COMMD10: variants seen among roughly 807,000 people sequenced by gnomAD.
COMMD10 encodes COMM domain-containing protein 10.
Under a neutral mutation model 28.9 loss-of-function variants are expected in COMMD10, and 33 were observed. That is an observed-to-expected ratio of 1.14 (90% confidence interval 0.87 to 1.53). The LOEUF (loss-of-function observed/expected upper bound fraction) is 1.53, where lower values mean the gene tolerates loss of function less well. COMMD10 is among the 40% of genes most tolerant of loss of function. The pLI is 0.00. For synonymous variants in COMMD10, 110 were observed against 81.7 expected (o/e 1.35, Z -1.87); for missense variants, 310 against 233.4 (o/e 1.33, Z -2.14).
At chr5:116,168,813 G>T (rs1753220577) in intron 5 of COMMD10, among the ~76,000 whole-genome samples, 1 of 152,150 alleles carries the variant, frequency 6.6e-6, no homozygotes, top group Non-Finnish European at 1.5e-5. Context: ...CAGAATCTCT[G>T]GGACACAGCT....
chr5:116,114,590 G>A (rs540083033), intron 4 of COMMD10, among the ~76,000 whole-genome samples: 1 of 152,220 alleles, frequency 6.6e-6, no homozygotes, highest in Non-Finnish European at 1.5e-5. Flanking sequence ...GTCTCAGAGA[G>A]TAGGGCAAAG....
At chr5:116,169,928 G>A (rs1019275229) in intron 5 of COMMD10, among the ~76,000 whole-genome samples, 2 of 151,992 alleles carry the variant, frequency 1.3e-5, no homozygotes, top group Non-Finnish European at 2.9e-5. Flanking sequence ...AAAACCGGCA[G>A]AAGACAGCGA....
chr5:116,101,196 G>A (rs184489200), intron 4 of COMMD10, among the ~76,000 whole-genome samples: 8 of 152,208 alleles, frequency 5.3e-5, no homozygotes, highest in African/African-American at 1.9e-4. Context: ...TGAATACTGT[G>A]ATAAACAGGA....
At chr5:116,148,586 G>A (rs1446085233) in intron 5 of COMMD10, among the ~76,000 whole-genome samples, 1 of 151,778 alleles carries the variant, frequency 6.6e-6, no homozygotes, top group Non-Finnish European at 1.5e-5. Flanking sequence ...AATCAGCAAA[G>A]GCTGGTGGAA....
At chr5:116,155,073 A>G (rs1346205567) in intron 5 of COMMD10, among the ~76,000 whole-genome samples, 1 of 152,132 alleles carries the variant, frequency 6.6e-6, no homozygotes, top group African/African-American at 2.4e-5. Flanking sequence ...TCTTTAGCAC[A>G]CATGAGATCC....
intron 4 of COMMD10, among the ~76,000 whole-genome samples, chr5:116,111,256 C>G (rs1751033061): frequency 6.6e-6 from 1 of 150,972 alleles, no homozygotes; most frequent in Admixed American, 6.6e-5. Flanking sequence ...TTTTTTTGGT[C>G]TCTGTTTTAT....
chr5:116,276,154 T>A (rs1239948536), intron 5 of COMMD10, among the ~76,000 whole-genome samples: 1 of 150,822 alleles, frequency 6.6e-6, no homozygotes, highest in African/African-American at 2.5e-5. Flanking sequence ...TTCAGAAGAG[T>A]CTTAAAGTAT....
chr5:116,190,240 T>TAC (rs1748316325), intron 5 of COMMD10, among the ~76,000 whole-genome samples: 1 of 149,430 alleles, frequency 6.7e-6, no homozygotes, highest in Non-Finnish European at 1.5e-5. Context: ...TTTTGAGGCC[T>TAC]ATATATATAT....
At chr5:116,203,209 G>A (rs989213453) in intron 5 of COMMD10, among the ~76,000 whole-genome samples, 33 of 152,042 alleles carry the variant, frequency 2.2e-4, no homozygotes, top group East Asian at 7.7e-4. Flanking sequence ...AAAAAGAAAC[G>A]CAGAAAACCT....
intron 5 of COMMD10, among the ~76,000 whole-genome samples, chr5:116,245,210 A>T (rs764113450): frequency 6.6e-6 from 1 of 152,140 alleles, no homozygotes; most frequent in Non-Finnish European, 1.5e-5. Flanking sequence ...GGAGGATATT[A>T]TGAATACTTC....
chr5:116,239,767 G>A (rs944058187), intron 5 of COMMD10, among the ~76,000 whole-genome samples: 2 of 152,142 alleles, frequency 1.3e-5, no homozygotes, highest in East Asian at 1.9e-4. Context: ...CTACCAATAA[G>A]AGCAGGGTGC....
intron 5 of COMMD10, among the ~76,000 whole-genome samples, chr5:116,152,427 C>G (rs1752559380): frequency 6.6e-6 from 1 of 151,918 alleles, no homozygotes. Context: ...TGGCAGTGTG[C>G]CAACTGTAAA....
At chr5:116,277,175 A>G (rs905756224) in intron 5 of COMMD10, among the ~76,000 whole-genome samples, 3 of 151,906 alleles carry the variant, frequency 2.0e-5, no homozygotes, top group Non-Finnish European at 4.4e-5. Flanking sequence ...CTGTTGCTGC[A>G]TTGAATTCAC....
At chr5:116,184,781 A>T (rs1748085600) in intron 5 of COMMD10, among the ~76,000 whole-genome samples, 1 of 152,086 alleles carries the variant, frequency 6.6e-6, no homozygotes, top group African/African-American at 2.4e-5. Flanking sequence ...ATGGGCTTTT[A>T]GCCAGAAGAT....
At chr5:116,275,022 C>A (rs912720832) in intron 5 of COMMD10, among the ~76,000 whole-genome samples, 1 of 151,754 alleles carries the variant, frequency 6.6e-6, no homozygotes, top group African/African-American at 2.4e-5. Context: ...TTAAACTGAA[C>A]TTGAAATTCC....
chr5:116,241,852 C>T (rs969477358), intron 5 of COMMD10, among the ~76,000 whole-genome samples: 6 of 152,072 alleles, frequency 3.9e-5, no homozygotes, highest in Non-Finnish European at 5.9e-5. Flanking sequence ...CTCCTGACCT[C>T]GTGATCCACC....
At chr5:116,255,106 G>A (rs1323596983) in intron 5 of COMMD10, among the ~76,000 whole-genome samples, 14 of 151,638 alleles carry the variant, frequency 9.2e-5, no homozygotes, top group Admixed American at 9.2e-4. Context: ...TTTTATCCAA[G>A]ACTAGGATTG....
rs532606651 is a variant in COMMD10 at position 116,124,666 on chromosome 5, G to A, written c.400-9402G>A. Reference sequence around the variant, plus strand: ...ATTGATCTGTCTAATTTTAACAGTGGGGTGTTAAAGTCTCCCATTGTTATT... The same window carrying A: ...ATTGATCTGTCTAATTTTAACAGTGAGGTGTTAAAGTCTCCCATTGTTATT... On this transcript the variant is annotated intron_variant, in intron 4 of 6. Coordinates refer to ENST00000274458, the MANE Select transcript of COMMD10 (RefSeq NM_016144.4). Among the ~76,000 whole-genome samples, 10 of 152,166 alleles carry A rather than the reference G, an allele frequency of 6.6e-5. No homozygotes were observed. The South Asian group carries it at 1.9e-3, about 28-fold the overall frequency.
chr5:116,197,449 T>C (rs1748557037), intron 5 of COMMD10, among the ~76,000 whole-genome samples: 1 of 152,052 alleles, frequency 6.6e-6, no homozygotes, highest in Admixed American at 6.5e-5. Context: ...TGGTGTGATC[T>C]TGGCTCACTG....
Sources: gnomAD v4.1 joint callset for allele counts (sites outside exome capture counted in the v4.1 genomes callset) on GRCh38, gnomAD v4.1.1 for gene constraint, MANE v1.5 for transcripts, NCBI Gene and HGNC (gene_info 2026-07-23, HGNC 2026-07-21) for gene names.